The following MCPH1 variants were observed in gnomAD, a reference collection of about 807,000 sequenced individuals.
The protein encoded by MCPH1 is microcephalin.
A neutral mutation model predicts 84.5 loss-of-function variants in MCPH1; 104 were observed. The ratio of observed to expected loss-of-function variants is 1.23; its 90% confidence interval spans 1.05 to 1.45. The LOEUF is 1.45. Among genes scored for constraint, MCPH1 ranks in the 40% most tolerant of loss-of-function variants. MCPH1 has a pLI of 0.00. For missense variants in MCPH1, 1,498 were observed against 1,005.7 expected (o/e 1.49, Z -6.62); for synonymous variants, 514 against 366.8 (o/e 1.40, Z -4.58).
chr8:6,447,112 G>A (rs1375728311), intron 8 of MCPH1: 3 of 985,362 alleles, frequency 3.0e-6, no homozygotes, highest in Non-Finnish European at 3.6e-6. Context: ...CAGACGGGAA[G>A]TCACTGGGTT....
chr8:6,477,679 C>T, intron 10 of MCPH1, 48 bp downstream of exon 10: 1 of 1,500,058 alleles, frequency 6.7e-7, no homozygotes, highest in Non-Finnish European at 9.3e-7. Flanking sequence ...TTAACCTTTT[C>T]TCTCTTATAC....
At chr8:6,513,523 C>G (rs1420763189) in intron 12 of MCPH1, among the ~76,000 whole-genome samples, 1 of 152,050 alleles carries the variant, frequency 6.6e-6, no homozygotes, top group Non-Finnish European at 1.5e-5. Context: ...CTAGTAGAGA[C>G]AGGGTTTCAC....
intron 12 of MCPH1, among the ~76,000 whole-genome samples, chr8:6,524,284 C>A (rs1447525875): frequency 6.6e-6 from 1 of 152,166 alleles, no homozygotes; most frequent in African/African-American, 2.4e-5. Flanking sequence ...GAATTATTTT[C>A]TGTCTACTAA....
chr8:6,465,064 A>G (rs764463371), intron 9 of MCPH1, among the ~76,000 whole-genome samples: 1 of 152,056 alleles, frequency 6.6e-6, no homozygotes, highest in Non-Finnish European at 1.5e-5. Flanking sequence ...AGAGATGTGG[A>G]GGCCCAATTT....
chr8:6,633,578 G>A (rs1230474743), intron 13 of MCPH1, among the ~76,000 whole-genome samples: 1 of 152,032 alleles, frequency 6.6e-6, no homozygotes, highest in African/African-American at 2.4e-5. Context: ...CAAAGCACAG[G>A]TGCACGACAC....
At chr8:6,457,469 G>A (rs1007051970) in intron 9 of MCPH1, among the ~76,000 whole-genome samples, 1 of 151,696 alleles carries the variant, frequency 6.6e-6, no homozygotes, top group South Asian at 2.1e-4. Context: ...GCCAGGCCTG[G>A]TGGTGGGCAC....
At chr8:6,572,135 G>C (rs1826708509) in intron 12 of MCPH1, among the ~76,000 whole-genome samples, 1 of 151,778 alleles carries the variant, frequency 6.6e-6, no homozygotes, top group Admixed American at 6.6e-5. Flanking sequence ...AAAGACTGAA[G>C]AGAGGATGCA....
intron 13 of MCPH1, among the ~76,000 whole-genome samples, chr8:6,638,090 G>C (rs540406151): frequency 1.3e-5 from 2 of 152,140 alleles, no homozygotes; most frequent in African/African-American, 4.8e-5. Flanking sequence ...GTGTGAAAGA[G>C]GACACATGTG....
chr8:6,601,089 G>A (rs565389325), intron 12 of MCPH1, among the ~76,000 whole-genome samples: 1 of 152,204 alleles, frequency 6.6e-6, no homozygotes, highest in South Asian at 2.1e-4. Flanking sequence ...GCCAGCACCT[G>A]GAGATGAGAG....
At chr8:6,606,512 T>G (rs1172194977) in intron 12 of MCPH1, among the ~76,000 whole-genome samples, 1 of 152,190 alleles carries the variant, frequency 6.6e-6, no homozygotes, top group Non-Finnish European at 1.5e-5. Context: ...CTTCCCTAGG[T>G]CCGGCAGCAT....
intron 9 of MCPH1, chr8:6,474,129 A>G: frequency 1.3e-6 from 1 of 762,594 alleles, no homozygotes; most frequent in Non-Finnish European, 2.4e-6. Flanking sequence ...CAACCGTGGT[A>G]ATCAACAATA....
chr8:6,432,182 C>G (rs998457772), intron 4 of MCPH1, among the ~76,000 whole-genome samples: 6 of 152,346 alleles, frequency 3.9e-5, no homozygotes, highest in Admixed American at 1.3e-4. Flanking sequence ...GTTGCCCAAG[C>G]TAGTCTCAAA....
At chr8:6,604,600 G>A (rs1829613541) in intron 12 of MCPH1, among the ~76,000 whole-genome samples, 1 of 152,234 alleles carries the variant, frequency 6.6e-6, no homozygotes, top group South Asian at 2.1e-4. Context: ...TGCCTTTCAG[G>A]CTCGAGTGAT....
intron 12 of MCPH1, among the ~76,000 whole-genome samples, chr8:6,511,716 C>G (rs1403035256): frequency 1.3e-5 from 2 of 152,108 alleles, no homozygotes; most frequent in African/African-American, 4.8e-5. Context: ...GCAAATTAAG[C>G]TTTAAACCAA....
intron 12 of MCPH1, among the ~76,000 whole-genome samples, chr8:6,593,257 C>G (rs1250719160): frequency 2.0e-5 from 3 of 148,884 alleles, no homozygotes; most frequent in Non-Finnish European, 4.5e-5. Flanking sequence ...CTAATTTTGT[C>G]TTTTTAATAG....
intron 13 of MCPH1, chr8:6,626,656 A>G (rs562936143): frequency 2.0e-6 from 2 of 984,860 alleles, no homozygotes; most frequent in East Asian, 1.1e-4. Flanking sequence ...TTTCCCCCCA[A>G]CACTCCCATG....
chr8:6,610,656 G>C (rs1830177599), intron 12 of MCPH1, among the ~76,000 whole-genome samples: 1 of 152,092 alleles, frequency 6.6e-6, no homozygotes. Flanking sequence ...ATTCTGCTTA[G>C]AAAGTACAGA....
intron 12 of MCPH1, among the ~76,000 whole-genome samples, chr8:6,533,262 G>T (rs1158431014): frequency 6.6e-6 from 1 of 152,236 alleles, no homozygotes; most frequent in African/African-American, 2.4e-5. Flanking sequence ...AAACACAAGA[G>T]AAGGAAGAAG....
intron 6 of MCPH1, among the ~76,000 whole-genome samples, chr8:6,440,225 A>G (rs1803302505): frequency 6.6e-6 from 1 of 151,786 alleles, no homozygotes; most frequent in Non-Finnish European, 1.5e-5. Context: ...TTTTAACCAT[A>G]TGGTTTGGTT....
Sources: gnomAD v4.1 joint callset for allele counts (sites outside exome capture counted in the v4.1 genomes callset) on GRCh38, gnomAD v4.1.1 for gene constraint, MANE v1.5 for transcripts, NCBI Gene and HGNC (gene_info 2026-07-23, HGNC 2026-07-21) for gene names.